The following MAN2B2 variants were observed in gnomAD, a reference collection of about 807,000 sequenced individuals.
MAN2B2 encodes epididymis-specific alpha-mannosidase.
In MAN2B2, 106 loss-of-function variants were observed where a neutral mutation model predicts 117.1. That is an observed-to-expected ratio of 0.90 (90% CI 0.77 to 1.06). The LOEUF (loss-of-function observed/expected upper bound fraction) is 1.06. MAN2B2 is among the 50% of genes least tolerant of loss of function. The pLI, the probability that MAN2B2 is intolerant of heterozygous loss-of-function variation, is 0.00. For missense variants in MAN2B2, 1,326 were observed against 1,381.4 expected, an observed-to-expected ratio of 0.96 and a Z score of 0.64; for synonymous variants, 544 against 595.1, an observed-to-expected ratio of 0.91 and a Z score of 1.25.
rs2108762664 is a variant in MAN2B2, at chr4:6,620,357, T to G, written c.2932+313T>G. Reference sequence around the variant, plus strand: ...CAGGGGCTTCTGCCCACCTTGGCCCTGCTGACCTCAGCCCATCAGCCGGTC... The same window carrying G: ...CAGGGGCTTCTGCCCACCTTGGCCCGGCTGACCTCAGCCCATCAGCCGGTC... On this transcript the variant is annotated intron_variant, in intron 18 of 18. Transcript: ENST00000285599. 13 of 298,436 alleles carry G rather than the reference T, an allele frequency of 4.4e-5. 1 individual carries two copies. The South Asian group carries it at 4.6e-4, about 11-fold the overall frequency. The allele number at this position is 298,436 out of a possible 1,614,324, so 18.5% of individuals were successfully genotyped here.
Position 6,610,045 on chromosome 4 carries a change from G to T in MAN2B2, c.2254G>T (p.Ala752Ser), listed in dbSNP as rs370916504. The change falls in exon 13 of 19, where the codon GCC becomes TCC. Residue 752 changes from alanine to serine, a missense_variant. Physicochemically the swap from Ala to Ser is moderately conservative, Grantham distance 99. Transcript: ENST00000285599. ...PYVSYVNNSI[A>S]RNYYPMVQSA... The stretch of plus-strand genomic sequence containing the variant: ...CGTTTCCTATGTGAACAACAGCATC[G>T]CCCGGGTATGTCCTGCAATGCCCAC... The T allele has an allele frequency of 6.2e-7, 1 of 1,613,978 alleles. No individual in the cohort carries two copies. Among genetic ancestry groups the T allele is most frequent in the Admixed American group, 1.7e-5 (1 of 60,008 alleles).
intron 15 of MAN2B2, 88 bp from the exon 16 acceptor site, chr4:6,614,130 C>A (rs1179606811): frequency 3.3e-6 from 5 of 1,503,428 alleles, no homozygotes; most frequent in Non-Finnish European, 4.5e-6. Flanking sequence ...CTGGCAGGGG[C>A]AGGGGCATGT....
intron 17 of MAN2B2, 185 bp from the exon 18 acceptor site, chr4:6,619,742 G>A (rs547666975): frequency 2.6e-5 from 16 of 621,492 alleles, no homozygotes; most frequent in South Asian, 1.1e-4. Flanking sequence ...TAAAGTACAC[G>A]GCCAGTCCTG....
chr4:6,598,925 C>T (rs570481204), intron 9 of MAN2B2, among the ~76,000 whole-genome samples: 12 of 152,308 alleles, frequency 7.9e-5, no homozygotes, highest in African/African-American at 2.6e-4. Context: ...AGTTTTCCCA[C>T]GTGTAGAGTG....
At chr4:6,591,952 C>T (rs1726875480) in intron 5 of MAN2B2, among the ~76,000 whole-genome samples, 2 of 152,174 alleles carry the variant, frequency 1.3e-5, no homozygotes, top group South Asian at 4.1e-4. Context: ...CCCCATCTTA[C>T]AGAAGGAAAA....
intron 9 of MAN2B2, among the ~76,000 whole-genome samples, chr4:6,598,825 G>A (rs1382757785): frequency 5.3e-5 from 8 of 152,160 alleles, no homozygotes; most frequent in African/African-American, 1.4e-4. Context: ...TCAGGGGCCC[G>A]GTCCCTTCCT....
chr4:6,592,159 C>T (rs1460101182), intron 5 of MAN2B2, among the ~76,000 whole-genome samples: 1 of 152,228 alleles, frequency 6.6e-6, no homozygotes, highest in Non-Finnish European at 1.5e-5. Flanking sequence ...AGAGGAAAGA[C>T]AACAGGCAAG....
At position 6,605,090 on chromosome 4, in the gene MAN2B2, C is replaced by G. The variant is rs1008184233; in HGVS notation, c.1575C>G (p.Asp525Glu). The change falls in exon 11 of 19, where the codon GAC becomes GAG. Residue 525 changes from aspartate (D) to glutamate (E), a missense_variant. Coordinates refer to ENST00000285599, the MANE Select transcript of MAN2B2 (RefSeq NM_015274.3). ...QNSTETPSAYDLLILTTIPGL... is the reference protein window; with the variant it reads ...QNSTETPSAYELLILTTIPGL... The stretch of plus-strand genomic sequence containing the variant: ...CAACAGAGACCCCATCTGCGTATGA[C>G]CTGCTTATTCTGACCACAATCCCAG... The G allele has an allele frequency of 6.2e-7, 1 of 1,614,156 alleles. No homozygotes were observed.
At chr4:6,599,846 C>T (rs1029114809) in intron 9 of MAN2B2, among the ~76,000 whole-genome samples, 4 of 152,188 alleles carry the variant, frequency 2.6e-5, no homozygotes, top group African/African-American at 9.7e-5. Context: ...GGCCCCCTGG[C>T]CTCAGGAACA....
At chr4:6,607,053 T>G (rs1026717086) in intron 11 of MAN2B2, among the ~76,000 whole-genome samples, 1 of 152,220 alleles carries the variant, frequency 6.6e-6, no homozygotes, top group Non-Finnish European at 1.5e-5. Context: ...TTTTCATTAC[T>G]CCAGAAAGAA....
intron 10 of MAN2B2, among the ~76,000 whole-genome samples, chr4:6,604,272 G>A (rs537967370): frequency 1.3e-5 from 2 of 152,306 alleles, no homozygotes; most frequent in Non-Finnish European, 2.9e-5. Flanking sequence ...CGAAAAGCTT[G>A]CTTTGGTTGC....
rs999815832 is a variant in MAN2B2, at chr4:6,609,318, C to A, written c.2006+20C>A. 9.9e-6 allele frequency: 16 copies of A among 1,608,242 alleles called. No homozygotes were observed. The highest frequency in any genetic ancestry group is 1.4e-5 in the Non-Finnish European group (16 of 1,176,394). On this transcript the variant is annotated intron_variant, in intron 12 of 18. Coordinates refer to ENST00000285599, the MANE Select transcript of MAN2B2 (RefSeq NM_015274.3). ...CTACAGGTGCTTCCCCTGGGGTGAC[C>A]CCCACAGCCCGGCACACAGTCAGCG...
rs117389726 is a variant in MAN2B2 at position 6,610,949 on chromosome 4, C to T, written c.2329C>T (p.Arg777Trp). The change falls in exon 14 of 19, where the codon CGG (arginine) becomes TGG (tryptophan). Residue 777 changes from arginine to tryptophan, a missense_variant. Coordinates refer to ENST00000285599, the MANE Select transcript of MAN2B2 (RefSeq NM_015274.3). ...AAGCAGGCTTGTGTTGCTGTCGGAG[C>T]GGGCACATGGCATCTCCAGCCAAGG... ...GKSRLVLLSE[R>W]AHGISSQGNG... The T allele has an allele frequency of 2.0e-4, 315 of 1,614,164 alleles. 4 individuals carry two copies. In the East Asian group the frequency reaches 5.8e-3, roughly 30 times the overall value.
intron 3 of MAN2B2, among the ~76,000 whole-genome samples, chr4:6,585,511 A>G (rs997569610): frequency 5.3e-5 from 8 of 152,220 alleles, no homozygotes; most frequent in Admixed American, 2.0e-4. Flanking sequence ...CTGGTTCACT[A>G]TGGTGACTCT....
intron 11 of MAN2B2, among the ~76,000 whole-genome samples, chr4:6,606,646 C>G (rs562302995): frequency 3.6e-4 from 55 of 152,334 alleles, no homozygotes; most frequent in South Asian, 1.0e-3. Flanking sequence ...CCAGTGAGGA[C>G]AAAGGAGTTC....
chr4:6,585,431 T>A (rs1319271474), intron 3 of MAN2B2, among the ~76,000 whole-genome samples: 1 of 152,168 alleles, frequency 6.6e-6, no homozygotes, highest in Non-Finnish European at 1.5e-5. Flanking sequence ...GGCAAGGACT[T>A]GGGGAATGTT....
chr4:6,586,053 G>GTTTTTTTTTTTTTTTTTTT (rs759999292), intron 3 of MAN2B2, among the ~76,000 whole-genome samples: 1 of 143,926 alleles, frequency 6.9e-6, no homozygotes, highest in African/African-American at 2.6e-5. Flanking sequence ...TTTTCTTGTG[G>GTTTTTTTTTTTTTTTTTTT]TTTTTTTTTT....
chr4:6,620,957 T>C, intron 18 of MAN2B2: 1 of 517,872 alleles, frequency 1.9e-6, no homozygotes, highest in South Asian at 2.7e-5. Context: ...ACAGGAGTCC[T>C]GGCAGAAGGG....
At position 6,621,197 on chromosome 4, in the gene MAN2B2, C is replaced by T. The variant is rs777442207; in HGVS notation, c.2942C>T (p.Thr981Ile). 6 of 1,613,788 alleles carry T rather than the reference C, an allele frequency of 3.7e-6. No individual in the cohort carries two copies. In the South Asian group the frequency reaches 5.5e-5, roughly 15 times the overall value. ...ACCTCTGTTCCCCTAGGTGACACCA[C>T]CTCTCCCTCGAGGCCACCAGGAGGC... ...TGPGRHRGDT[T>I]SPSRPPGGPI... The change falls in exon 19 of 19, where the codon ACC becomes ATC. Residue 981 changes from threonine (T) to isoleucine (I), a missense_variant. Transcript: ENST00000285599.
Sources: gnomAD v4.1 joint callset for allele counts (sites outside exome capture counted in the v4.1 genomes callset) on GRCh38, gnomAD v4.1.1 for gene constraint, MANE v1.5 for transcripts, NCBI Gene and HGNC (gene_info 2026-07-23, HGNC 2026-07-21) for gene names.